GULP1: variants seen among roughly 807,000 people sequenced by gnomAD.
GULP1 encodes the protein GULP PTB domain containing engulfment adaptor 1.
In GULP1, 19 loss-of-function variants were observed where a neutral mutation model predicts 40.9. The observed-to-expected ratio is 0.46, with a 90% CI of 0.32 to 0.68. The LOEUF is 0.68. Ranked by LOEUF, GULP1 falls within the 30% of genes least tolerant of loss-of-function variation. GULP1 has a pLI of 0.03. For synonymous variants in GULP1, 119 were observed against 117.6 expected, an observed-to-expected ratio of 1.01 and a Z score of -0.08; for missense variants, 312 against 362.2, an observed-to-expected ratio of 0.86 and a Z score of 1.12.
At chr2:188,374,410 T>C (rs1305973755) in intron 1 of GULP1, among the ~76,000 whole-genome samples, 5 of 152,142 alleles carry the variant, frequency 3.3e-5, no homozygotes, top group Admixed American at 2.0e-4. Flanking sequence ...TTGGTTACTA[T>C]AGTAGAAAGT....
chr2:188,573,911 G>T (rs1699646485), intron 9 of GULP1, among the ~76,000 whole-genome samples: 1 of 152,136 alleles, frequency 6.6e-6, no homozygotes, highest in African/African-American at 2.4e-5. Flanking sequence ...CCCAAGACAG[G>T]TCTTGATCCC....
intron 2 of GULP1, among the ~76,000 whole-genome samples, chr2:188,450,025 C>T (rs2058707157): frequency 6.6e-6 from 1 of 152,084 alleles, no homozygotes; most frequent in African/African-American, 2.4e-5. Flanking sequence ...ATGCTTCATA[C>T]CTATGGTTTA....
At chr2:188,525,069 T>C (rs1685811061) in intron 5 of GULP1, among the ~76,000 whole-genome samples, 1 of 151,936 alleles carries the variant, frequency 6.6e-6, no homozygotes. Flanking sequence ...TAAAACTGAC[T>C]TTTTTACACT....
chr2:188,334,337 A>C (rs1471734241), intron 1 of GULP1, among the ~76,000 whole-genome samples: 1 of 152,188 alleles, frequency 6.6e-6, no homozygotes, highest in Non-Finnish European at 1.5e-5. Flanking sequence ...TCTGTTTTAC[A>C]AAGGAGGAAA....
At chr2:188,557,463 T>C (rs1695069374) in intron 7 of GULP1, among the ~76,000 whole-genome samples, 1 of 152,218 alleles carries the variant, frequency 6.6e-6, no homozygotes, top group Admixed American at 6.5e-5. Flanking sequence ...TCATTACATT[T>C]TAAAGCTCCA....
chr2:188,359,887 A>G (rs2045871118), intron 1 of GULP1, among the ~76,000 whole-genome samples: 1 of 152,144 alleles, frequency 6.6e-6, no homozygotes, highest in African/African-American at 2.4e-5. Context: ...GTGCAAAAAG[A>G]TATATTAGAG....
rs148788995 is a variant in GULP1, at chr2:188,567,276, A to C, written c.400-1963A>C. 4.0e-3 allele frequency among the ~76,000 whole-genome samples: 606 copies of C among 152,332 alleles called. 5 individuals carry two copies. Among genetic ancestry groups the C allele is most frequent in the African/African-American group, 0.014 (572 of 41,562 alleles). ...TACCATTTGACCCAGAGATCTCATT[A>C]CTGGGTATATACCCAAAGGAATACA... On this transcript the variant is annotated intron_variant, in intron 7 of 11. Transcript: ENST00000409830.
chr2:188,504,389 T>C (rs112015864), intron 4 of GULP1, among the ~76,000 whole-genome samples: 2 of 152,034 alleles, frequency 1.3e-5, no homozygotes, highest in African/African-American at 4.8e-5. Context: ...CTATGTGGTG[T>C]ATATACCCCT....
intron 2 of GULP1, among the ~76,000 whole-genome samples, chr2:188,443,681 A>AT: frequency 2.0e-5 from 3 of 149,282 alleles, no homozygotes; most frequent in South Asian, 2.2e-4. Context: ...GAAAAAATGA[A>AT]TTTCTTTTCT....
intron 2 of GULP1, among the ~76,000 whole-genome samples, chr2:188,411,881 C>G (rs189412514): frequency 2.5e-4 from 38 of 152,288 alleles, no homozygotes; most frequent in African/African-American, 7.7e-4. Context: ...GAAAGGGGCT[C>G]TAGTGCTGCA....
At chr2:188,352,616 T>A (rs201451808) in intron 1 of GULP1, among the ~76,000 whole-genome samples, 16,689 of 73,880 alleles carry the variant, frequency 0.23, 1,047 homozygotes, top group Middle Eastern at 0.29. Flanking sequence ...TCTCTCTCTC[T>A]CTCACACACA....
At chr2:188,498,972 G>A (rs2063160077) in intron 4 of GULP1, among the ~76,000 whole-genome samples, 1 of 151,194 alleles carries the variant, frequency 6.6e-6, no homozygotes, top group East Asian at 1.9e-4. Flanking sequence ...ACCATGTGGA[G>A]TCAAATTAGA....
chr2:188,307,569 G>A (rs984536788), intron 1 of GULP1, among the ~76,000 whole-genome samples: 7 of 146,976 alleles, frequency 4.8e-5, no homozygotes, highest in Non-Finnish European at 9.1e-5. Flanking sequence ...AGTTCACATG[G>A]GTCAATAGTT....
intron 2 of GULP1, among the ~76,000 whole-genome samples, chr2:188,469,148 G>A (rs541120481): frequency 6.6e-6 from 1 of 152,170 alleles, no homozygotes; most frequent in African/African-American, 2.4e-5. Flanking sequence ...TGATTAAGTC[G>A]ATGTAGCAAA....
intron 1 of GULP1, among the ~76,000 whole-genome samples, chr2:188,344,873 T>C (rs2043422821): frequency 6.6e-6 from 1 of 152,148 alleles, no homozygotes; most frequent in Admixed American, 6.5e-5. Context: ...TATACACACA[T>C]TTAGTTAAAG....
At chr2:188,420,140 G>GT (rs2055185751) in intron 2 of GULP1, among the ~76,000 whole-genome samples, 1 of 152,118 alleles carries the variant, frequency 6.6e-6, no homozygotes, top group African/African-American at 2.4e-5. Flanking sequence ...CTCCAGCTTT[G>GT]TTTTTTCTGG....
At chr2:188,466,300 C>CG (rs2060119116) in intron 2 of GULP1, among the ~76,000 whole-genome samples, 1 of 151,566 alleles carries the variant, frequency 6.6e-6, no homozygotes, top group Non-Finnish European at 1.5e-5. Context: ...TTTCCCCCCC[C>CG]GGAGTCTTGC....
At chr2:188,361,317 A>G (rs1048714650) in intron 1 of GULP1, among the ~76,000 whole-genome samples, 1 of 152,026 alleles carries the variant, frequency 6.6e-6, no homozygotes, top group Non-Finnish European at 1.5e-5. Flanking sequence ...GTCTAGGAAA[A>G]GAAATCCTAA....
chr2:188,573,839 T>A (rs1699628069), intron 9 of GULP1, among the ~76,000 whole-genome samples: 1 of 152,188 alleles, frequency 6.6e-6, no homozygotes, highest in Non-Finnish European at 1.5e-5. Context: ...TAATTTAGCA[T>A]CTGATGAGTT....
Sources: gnomAD v4.1 joint callset for allele counts (sites outside exome capture counted in the v4.1 genomes callset) on GRCh38, gnomAD v4.1.1 for gene constraint, MANE v1.5 for transcripts, NCBI Gene and HGNC (gene_info 2026-07-23, HGNC 2026-07-21) for gene names.